Variants in CPXM2 observed in about 807,000 individuals in gnomAD.
CPXM2 encodes the protein carboxypeptidase X, M14 family member 2.
In CPXM2, 66 loss-of-function variants were observed where a neutral mutation model predicts 86.1. The observed-to-expected ratio is 0.77, with a 90% CI of 0.63 to 0.94. The LOEUF (loss-of-function observed/expected upper bound fraction) is 0.94, where lower values mean the gene tolerates loss of function less well. CPXM2 is among the 40% of genes least tolerant of loss of function. CPXM2 has a pLI of 0.00. For synonymous variants in CPXM2, 388 were observed against 400.2 expected (o/e 0.97, Z 0.36); for missense variants, 948 against 1,026.3 (o/e 0.92, Z 1.04).
At chr10:123,918,539 C>G (rs1564822324) in intron 2 of CPXM2, among the ~76,000 whole-genome samples, 1 of 152,240 alleles carries the variant, frequency 6.6e-6, no homozygotes. Context: ...ACAGCTAAAT[C>G]CTGAACTGTG....
chr10:123,830,852 A>ATCTC (rs150171922), intron 4 of CPXM2, among the ~76,000 whole-genome samples: 1,492 of 139,834 alleles, frequency 0.011, 22 homozygotes, highest in African/African-American at 0.034. Context: ...GTATGCACTC[A>ATCTC]TCTCTCTCTC....
intron 4 of CPXM2, among the ~76,000 whole-genome samples, chr10:123,812,831 C>A (rs565336058): frequency 2.0e-5 from 3 of 152,104 alleles, no homozygotes; most frequent in Non-Finnish European, 4.4e-5. Flanking sequence ...CCTTCCCCAT[C>A]CCCCATCCCC....
At chr10:123,755,764 A>G (rs1449061796) in intron 12 of CPXM2, among the ~76,000 whole-genome samples, 2 of 152,202 alleles carry the variant, frequency 1.3e-5, no homozygotes, top group African/African-American at 2.4e-5. Flanking sequence ...CCAAGGTGAC[A>G]TTCCATCATT....
chr10:123,827,024 A>G (rs1412487539), intron 4 of CPXM2, among the ~76,000 whole-genome samples: 2 of 152,198 alleles, frequency 1.3e-5, no homozygotes, highest in African/African-American at 4.8e-5. Flanking sequence ...GGTAAATCTA[A>G]TTAATAGACT....
chr10:123,924,265 C>A (rs1173422956), intron 2 of CPXM2, among the ~76,000 whole-genome samples: 3 of 152,154 alleles, frequency 2.0e-5, no homozygotes, highest in African/African-American at 7.2e-5. Flanking sequence ...CACAAGACTG[C>A]CCCCACTGCA....
At chr10:123,847,427 G>A (rs1230208920) in intron 3 of CPXM2, among the ~76,000 whole-genome samples, 3 of 152,158 alleles carry the variant, frequency 2.0e-5, no homozygotes, top group Admixed American at 2.0e-4. Flanking sequence ...TCAGGAGGCT[G>A]AGGCAGGAGA....
In CPXM2 at chr10:123,858,309, C is replaced by T. The variant is rs146287647; in HGVS notation, c.513+4305G>A. Among the ~76,000 whole-genome samples the T allele has an allele frequency of 7.9e-5, 12 of 152,326 alleles. No individual in the cohort carries two copies. The East Asian group carries it at 1.9e-3, about 25-fold the overall frequency. ...AGCGCATCCATATGTGCAGACACCG[C>T]GCTCACACAGGGTGGGGAATACCCA... is the stretch of plus-strand genomic sequence containing the variant. On this transcript the variant is annotated intron_variant, in intron 3 of 13. Coordinates refer to ENST00000241305, the MANE Select transcript of CPXM2 (RefSeq NM_198148.3).
chr10:123,855,349 CA>C (rs1848697312), intron 3 of CPXM2, among the ~76,000 whole-genome samples: 1 of 152,094 alleles, frequency 6.6e-6, no homozygotes, highest in South Asian at 2.1e-4. Flanking sequence ...TAAGGTTTTG[CA>C]TAGCCAGGAA....
At chr10:123,856,110 C>T (rs1487054312) in intron 3 of CPXM2, among the ~76,000 whole-genome samples, 1 of 152,174 alleles carries the variant, frequency 6.6e-6, no homozygotes, top group African/African-American at 2.4e-5. Flanking sequence ...CTTCCAAGCT[C>T]TGATCTAAGC....
chr10:123,883,052 C>A, intron 1 of CPXM2, among the ~76,000 whole-genome samples: 1 of 150,116 alleles, frequency 6.7e-6, no homozygotes, highest in East Asian at 2.0e-4. Context: ...GCCCTGCCAG[C>A]CCCCACATCA....
chr10:123,854,361 AAT>A (rs1203291933), intron 3 of CPXM2, among the ~76,000 whole-genome samples: 3 of 119,770 alleles, frequency 2.5e-5, no homozygotes, highest in East Asian at 4.3e-4. Flanking sequence ...TATATATAAA[AAT>A]ATATATATAT....
At chr10:123,872,957 A>G (rs1385569422) in intron 2 of CPXM2, among the ~76,000 whole-genome samples, 1 of 152,204 alleles carries the variant, frequency 6.6e-6, no homozygotes, top group Non-Finnish European at 1.5e-5. Context: ...GAAAAGGATA[A>G]GCAGAAAAAT....
intron 7 of CPXM2, among the ~76,000 whole-genome samples, chr10:123,778,598 A>G (rs1033956288): frequency 1.5e-4 from 23 of 152,238 alleles, no homozygotes; most frequent in African/African-American, 5.1e-4. Context: ...GTCTCCATGC[A>G]TGACAACTAT....
chr10:123,803,837 AT>A (rs1170213446), intron 4 of CPXM2, among the ~76,000 whole-genome samples: 1 of 151,662 alleles, frequency 6.6e-6, no homozygotes, highest in Non-Finnish European at 1.5e-5. Context: ...AATTTTTTGT[AT>A]TTTTAGTAGA....
chr10:123,833,197 T>C (rs1225921456), intron 4 of CPXM2, among the ~76,000 whole-genome samples: 1 of 152,172 alleles, frequency 6.6e-6, no homozygotes, highest in African/African-American at 2.4e-5. Flanking sequence ...TGTTTTCTTA[T>C]GCATACAATG....
chr10:123,768,391 ATAAAT>A, intron 9 of CPXM2, 130 bp downstream of exon 9: 1 of 165,560 alleles, frequency 6.0e-6, no homozygotes, highest in Non-Finnish European at 1.0e-5. Flanking sequence ...AAATAAATAA[ATAAAT>A]AAATAAATAA....
At chr10:123,846,379 A>T (rs1217108221) in intron 3 of CPXM2, among the ~76,000 whole-genome samples, 3 of 152,172 alleles carry the variant, frequency 2.0e-5, no homozygotes, top group Admixed American at 2.0e-4. Context: ...TGCACAGTTC[A>T]CAGTAGGGTT....
At chr10:123,755,558 A>C (rs568921359) in intron 12 of CPXM2, among the ~76,000 whole-genome samples, 18 of 152,350 alleles carry the variant, frequency 1.2e-4, no homozygotes, top group Admixed American at 5.9e-4. Flanking sequence ...CTAAAAACTG[A>C]AATTTAATTT....
At chr10:123,806,229 T>C (rs1353922459) in intron 4 of CPXM2, among the ~76,000 whole-genome samples, 2 of 152,200 alleles carry the variant, frequency 1.3e-5, no homozygotes, top group East Asian at 1.9e-4. Flanking sequence ...CATTTTTGAA[T>C]GATATTTTTG....
Sources: gnomAD v4.1 joint callset for allele counts (sites outside exome capture counted in the v4.1 genomes callset) on GRCh38, gnomAD v4.1.1 for gene constraint, MANE v1.5 for transcripts, NCBI Gene and HGNC (gene_info 2026-07-23, HGNC 2026-07-21) for gene names.